The following KIAA1671 variants were observed in gnomAD, a reference collection of about 807,000 sequenced individuals.
KIAA1671 encodes the protein KIAA1671.
A neutral mutation model predicts 131.2 loss-of-function variants in KIAA1671; 52 were observed. The observed-to-expected ratio is 0.40, with a 90% confidence interval of 0.32 to 0.50. KIAA1671 has a LOEUF of 0.50. Among genes scored for constraint, KIAA1671 ranks in the 20% least tolerant of loss-of-function variants. The pLI is 0.73. For missense variants in KIAA1671, 2,360 were observed against 2,364.2 expected (o/e 1.00, Z 0.04); for synonymous variants, 1,003 against 961.6 (o/e 1.04, Z -0.80).
At chr22:25,166,091 G>C (rs910184568) in intron 6 of KIAA1671, among the ~76,000 whole-genome samples, 1 of 152,232 alleles carries the variant, frequency 6.6e-6, no homozygotes, top group Admixed American at 6.5e-5. Flanking sequence ...ACAGGGCGAA[G>C]GATGCCAGGG....
Position 25,181,690 on chromosome 22 carries a change from T to C in KIAA1671, c.5075-9T>C, listed in dbSNP as rs1453368905. The C allele has an allele frequency of 1.2e-5, 18 of 1,551,354 alleles. No individual in the cohort carries two copies. The highest frequency in any genetic ancestry group is 1.6e-5 in the Non-Finnish European group (18 of 1,146,788). The stretch of plus-strand genomic sequence containing the variant: ...GCTGATGAATTCAGTGCCCTTTTCT[T>C]TGCAACAGAGGAGAAATCACCCAGG... On this transcript the variant is annotated splice_polypyrimidine_tract_variant and intron_variant, in intron 9 of 12. Transcript: ENST00000358431.
At chr22:25,122,996 A>G (rs1256280726) in intron 6 of KIAA1671, among the ~76,000 whole-genome samples, 3 of 151,880 alleles carry the variant, frequency 2.0e-5, no homozygotes, top group Admixed American at 6.6e-5. Flanking sequence ...AAAAACAGTC[A>G]TTATCATCAT....
intron 6 of KIAA1671, among the ~76,000 whole-genome samples, chr22:25,109,024 G>A (rs765060894): frequency 3.9e-5 from 6 of 152,246 alleles, no homozygotes; most frequent in East Asian, 1.9e-4. Context: ...ACAACATGGC[G>A]GCTGGCTTTC....
At chr22:25,054,699 C>T (rs1927746844) in intron 6 of KIAA1671, 1 of 149,494 alleles carries the variant, frequency 6.7e-6, no homozygotes. Context: ...TGCCAGGCAT[C>T]ATGTCATGTG....
intron 3 of KIAA1671, 96 bp downstream of exon 3, chr22:25,029,636 C>G (rs936405073): frequency 1.8e-5 from 16 of 871,690 alleles, no homozygotes; most frequent in Admixed American, 2.8e-5. Flanking sequence ...TGTCACCCCC[C>G]CTCAGTTTAC....
chr22:25,045,535 G>A (rs1020982010), intron 5 of KIAA1671, among the ~76,000 whole-genome samples: 5 of 152,196 alleles, frequency 3.3e-5, no homozygotes, highest in African/African-American at 1.2e-4. Context: ...CTTAGATATA[G>A]GTAAATACAT....
intron 6 of KIAA1671, among the ~76,000 whole-genome samples, chr22:25,151,036 G>A (rs547960610): frequency 6.6e-6 from 1 of 151,912 alleles, no homozygotes; most frequent in African/African-American, 2.4e-5. Context: ...GGGTTTCACC[G>A]TGTTAGCCAG....
chr22:24,988,194 C>T (rs188110220), intron 1 of KIAA1671, among the ~76,000 whole-genome samples: 1 of 151,008 alleles, frequency 6.6e-6, no homozygotes, highest in African/African-American at 2.4e-5. Flanking sequence ...GCAGGAGAAT[C>T]ACTTGAATCT....
intron 1 of KIAA1671, among the ~76,000 whole-genome samples, chr22:24,968,084 G>C (rs1922401140): frequency 6.6e-6 from 1 of 152,206 alleles, no homozygotes; most frequent in African/African-American, 2.4e-5. Flanking sequence ...CCTGGTTACT[G>C]TCAGATTTAA....
intron 11 of KIAA1671, 77 bp from the exon 12 acceptor site, chr22:25,190,625 C>T (rs534032739): frequency 6.2e-5 from 77 of 1,246,432 alleles, no homozygotes; most frequent in African/African-American, 4.7e-4. Flanking sequence ...GATAGACAGT[C>T]GGATACCACT....
At chr22:24,960,795 G>A (rs552298569) in intron 1 of KIAA1671, among the ~76,000 whole-genome samples, 4 of 151,320 alleles carry the variant, frequency 2.6e-5, no homozygotes, top group Non-Finnish European at 5.9e-5. Context: ...TGTTTAGAAC[G>A]TTGAAATGAC....
At chr22:25,120,098 G>A (rs1297034674) in intron 6 of KIAA1671, among the ~76,000 whole-genome samples, 4 of 152,138 alleles carry the variant, frequency 2.6e-5, no homozygotes, top group Non-Finnish European at 5.9e-5. Context: ...ATTTCTCCTG[G>A]AGATCTGGGC....
rs11703565 is a variant in KIAA1671, at chr22:25,093,846, C to T, written c.4530+44482C>T. Among the ~76,000 whole-genome samples the T allele has an allele frequency of 7.0e-4, 66 of 94,632 alleles. 4 individuals carry two copies. Among genetic ancestry groups the T allele is most frequent in the African/African-American group, 1.5e-3 (41 of 26,996 alleles). The allele number at this position is 94,632 out of a possible 152,430, so 62.1% of individuals were successfully genotyped here. A position where few individuals can be genotyped will look rare whatever the true frequency, so the allele number is the denominator to read the frequency against. The stretch of plus-strand genomic sequence containing the variant: ...TCTTTCTCTCTCTGTCTGTCTCTCT[C>T]TCTCTCTCTCTCTCTCTCTCTCTCT... On this transcript the variant is annotated intron_variant, in intron 6 of 12. Transcript: ENST00000358431.
In KIAA1671 at chr22:25,039,497, G is replaced by T; in HGVS notation, c.2367G>T (p.Gln789His). Residue 789 changes from glutamine to histidine, a missense_variant, in exon 5 of 13, where the codon CAG becomes CAT. By Grantham distance (24) the Gln-to-His change is conservative. This residue lies in a region of KIAA1671 where 1,185 missense variants were observed against 1,126.2 expected (regional missense o/e 1.05). Transcript: ENST00000358431. ...PADLECGLEG[Q>H]AGSVQRASLI... The stretch of plus-strand genomic sequence containing the variant: ...ACCTGGAGTGTGGTTTGGAAGGTCA[G>T]GCGGGGTCCGTCCAAAGGGCCAGTT... The T allele has an allele frequency of 1.3e-6, 2 of 1,551,816 alleles. No homozygotes were observed. The highest frequency in any genetic ancestry group is 2.4e-5 in the South Asian group (2 of 84,066).
intron 1 of KIAA1671, among the ~76,000 whole-genome samples, chr22:25,024,837 G>GGATGATGT (rs1170380417): frequency 1.3e-5 from 2 of 152,088 alleles, no homozygotes; most frequent in Non-Finnish European, 2.9e-5. Flanking sequence ...CTGATGTGAA[G>GGATGATGT]GATGATGTCG....
In KIAA1671 at chr22:25,029,013, T is replaced by G; in HGVS notation, c.1014T>G (p.His338Gln). ...DCLVKAEAPL[H>Q]DPDLDFLEVA... ...TGGTCAAGGCGGAGGCTCCTCTTCATGATCCTGATTTGGACTTCCTGGAGG... is the reference window on the plus strand; with the variant it reads ...TGGTCAAGGCGGAGGCTCCTCTTCAGGATCCTGATTTGGACTTCCTGGAGG... Residue 338 changes from histidine to glutamine, a missense_variant, in exon 3 of 13, where the codon CAT becomes CAG. Physicochemically the swap from His to Gln is conservative, Grantham distance 24 (BLOSUM62 0). Transcript: ENST00000358431. The G allele has an allele frequency of 6.6e-7, 1 of 1,505,342 alleles. No individual in the cohort carries two copies. Among genetic ancestry groups the G allele is most frequent in the African/African-American group, 1.4e-5 (1 of 71,246 alleles). The allele number at this position is 1,505,342 out of a possible 1,614,324, so 93.2% of individuals were successfully genotyped here.
intron 6 of KIAA1671, among the ~76,000 whole-genome samples, chr22:25,105,470 G>A (rs1454552708): frequency 6.6e-6 from 1 of 152,172 alleles, no homozygotes; most frequent in East Asian, 1.9e-4. Context: ...GAAAAAGATG[G>A]TTTTCTTTCT....
chr22:25,068,664 C>T (rs1195513737), intron 6 of KIAA1671, among the ~76,000 whole-genome samples: 1 of 152,186 alleles, frequency 6.6e-6, no homozygotes, highest in African/African-American at 2.4e-5. Flanking sequence ...TCTCGATCTC[C>T]TGACCTCATG....
In KIAA1671 at chr22:25,029,557, C is replaced by T. The variant is rs1926158795; in HGVS notation, c.1541+17C>T. The T allele has an allele frequency of 2.0e-6, 3 of 1,496,208 alleles. No homozygotes were observed. The highest frequency in any genetic ancestry group is 2.5e-5 in the East Asian group (1 of 40,314). The allele number at this position is 1,496,208 out of a possible 1,614,324, so 92.7% of individuals were successfully genotyped here. ...GACCAAATTGTAAGTAGGCACATCC[C>T]ACACCCCTCTCTCAGCCGCCCACCC... is the stretch of plus-strand genomic sequence containing the variant. On this transcript the variant is annotated intron_variant, in intron 3 of 12. Transcript: ENST00000358431.
Sources: gnomAD v4.1 joint callset for allele counts (sites outside exome capture counted in the v4.1 genomes callset) on GRCh38, gnomAD v4.1.1 for gene constraint, gnomAD v4.1.1 regional missense constraint, MANE v1.5 for transcripts, NCBI Gene and HGNC (gene_info 2026-07-23, HGNC 2026-07-21) for gene names.